Variants in DCDC2C observed in about 807,000 individuals in gnomAD.
DCDC2C encodes the protein doublecortin domain-containing protein 2C.
Under a neutral mutation model 45.0 loss-of-function variants are expected in DCDC2C, and 44 were observed. The ratio of observed to expected loss-of-function variants is 0.98; its 90% CI spans 0.77 to 1.26. DCDC2C has a LOEUF of 1.26. Ranked by LOEUF, DCDC2C falls within the 50% of genes most tolerant of loss-of-function variation. The probability of loss-of-function intolerance (pLI) is 0.00; values close to 1 mark genes in which losing one functional copy is unlikely to be tolerated. For synonymous variants in DCDC2C, 187 were observed against 178.8 expected, an observed-to-expected ratio of 1.05 and a Z score of -0.37; for missense variants, 447 against 468.9, an observed-to-expected ratio of 0.95 and a Z score of 0.43.
rs1668950484 is a variant in DCDC2C, at chr2:3,734,038, C to A, written c.416+6959C>A. 6.6e-6 allele frequency among the ~76,000 whole-genome samples: 1 copy of A among 152,194 alleles called. No homozygotes were observed. The highest frequency in any genetic ancestry group is 2.4e-5 in the African/African-American group (1 of 41,444). On this transcript the variant is annotated intron_variant, in intron 3 of 10. Coordinates refer to ENST00000399143, the MANE Select transcript of DCDC2C (RefSeq NM_001287444.2). This position sits in a 1 kb window ranked among gnomAD's most constrained non-coding sequence, Gnocchi z 4.2. Reference sequence around the variant, plus strand: ...CCGTATCCCTCAGTTTTAATAAGAGCAGTTTGCTGGGGTAGTAACAGTGCC... The same window carrying A: ...CCGTATCCCTCAGTTTTAATAAGAGAAGTTTGCTGGGGTAGTAACAGTGCC...
intron 10 of DCDC2C, among the ~76,000 whole-genome samples, chr2:3,833,286 C>T (rs752232412): frequency 3.3e-5 from 5 of 152,206 alleles, no homozygotes; most frequent in Non-Finnish European, 1.5e-5. Flanking sequence ...TTCCCCTTTG[C>T]CATGCACCCT....
intron 10 of DCDC2C, among the ~76,000 whole-genome samples, chr2:3,806,331 A>T (rs1358441123): frequency 6.6e-6 from 1 of 152,144 alleles, no homozygotes; most frequent in Non-Finnish European, 1.5e-5. Flanking sequence ...CACGGTTGCT[A>T]CTGGTGTGCT....
chr2:3,829,540 T>G (rs1227045357), intron 10 of DCDC2C, among the ~76,000 whole-genome samples: 1 of 152,124 alleles, frequency 6.6e-6, no homozygotes, highest in Non-Finnish European at 1.5e-5. Context: ...CACATCCTGG[T>G]CGTGCTGCGC....
rs1324287161 is a variant in DCDC2C at position 3,734,063 on chromosome 2, C to T, written c.416+6984C>T. 6.6e-6 allele frequency among the ~76,000 whole-genome samples: 1 copy of T among 152,224 alleles called. No homozygotes were observed. ...CAGTTTGCTGGGGTAGTAACAGTGC[C>T]TCCAGAAGTTCTGCTATTTGACTGG... is the stretch of plus-strand genomic sequence containing the variant. On this transcript the variant is annotated intron_variant, in intron 3 of 10. Coordinates refer to ENST00000399143, the MANE Select transcript of DCDC2C (RefSeq NM_001287444.2). The surrounding 1 kb of genome is among the most constrained non-coding windows in gnomAD (Gnocchi z 4.2).
intron 9 of DCDC2C, among the ~76,000 whole-genome samples, chr2:3,779,575 T>C (rs1401268044): frequency 6.6e-6 from 1 of 152,254 alleles, no homozygotes; most frequent in African/African-American, 2.4e-5. Flanking sequence ...TTCAGAATTC[T>C]GTCTGTGGAT....
intron 3 of DCDC2C, among the ~76,000 whole-genome samples, chr2:3,730,588 G>A (rs953523239): frequency 2.6e-5 from 4 of 152,094 alleles, no homozygotes; most frequent in Non-Finnish European, 4.4e-5. Context: ...CCCGCCCCCC[G>A]AGCTTCCACA....
chr2:3,801,981 C>T (rs933953036), intron 10 of DCDC2C, among the ~76,000 whole-genome samples: 8 of 152,190 alleles, frequency 5.3e-5, no homozygotes, highest in African/African-American at 1.9e-4. Flanking sequence ...CTTTTCCTTC[C>T]TCAGTGTCCC....
At chr2:3,752,720 G>C (rs763723420) in intron 4 of DCDC2C, 43 bp from the exon 5 acceptor site, 2 of 1,547,870 alleles carry the variant, frequency 1.3e-6, no homozygotes, top group South Asian at 2.4e-5. Context: ...CTATGCTACT[G>C]GTCCTCAAGT....
chr2:3,835,816 C>A (rs1672062574), intron 10 of DCDC2C, among the ~76,000 whole-genome samples: 2 of 152,082 alleles, frequency 1.3e-5, no homozygotes, highest in Admixed American at 1.3e-4. Flanking sequence ...CCATCATTGC[C>A]CATTGCAGCA....
At chr2:3,713,679 C>A (rs375015834) in intron 2 of DCDC2C, among the ~76,000 whole-genome samples, 19 of 152,282 alleles carry the variant, frequency 1.2e-4, no homozygotes, top group African/African-American at 4.6e-4. Context: ...TTGGGGACAA[C>A]CTGAATGTCC....
intron 10 of DCDC2C, among the ~76,000 whole-genome samples, chr2:3,814,473 G>C (rs946557924): frequency 1.3e-5 from 2 of 152,184 alleles, no homozygotes; most frequent in Admixed American, 1.3e-4. Flanking sequence ...AACATGCTCA[G>C]TGTAGTTTTT....
intron 2 of DCDC2C, among the ~76,000 whole-genome samples, chr2:3,717,203 T>C (rs1174586014): frequency 6.6e-6 from 1 of 152,060 alleles, no homozygotes; most frequent in Non-Finnish European, 1.5e-5. Flanking sequence ...ATTTCCATAA[T>C]CATCCATGTG....
At chr2:3,723,371 T>A (rs1464327373) in intron 2 of DCDC2C, among the ~76,000 whole-genome samples, 2 of 152,188 alleles carry the variant, frequency 1.3e-5, no homozygotes, top group Non-Finnish European at 2.9e-5. Flanking sequence ...TGTGAGGAGC[T>A]GACGTCGAAG....
intron 1 of DCDC2C, among the ~76,000 whole-genome samples, chr2:3,707,188 T>G (rs145975954): frequency 3.3e-5 from 5 of 152,230 alleles, no homozygotes; most frequent in Non-Finnish European, 2.9e-5. Context: ...AGGAACTATT[T>G]GTCCTTTCTT....
intron 10 of DCDC2C, among the ~76,000 whole-genome samples, chr2:3,843,413 G>A (rs1277112696): frequency 6.6e-6 from 1 of 152,282 alleles, no homozygotes; most frequent in South Asian, 2.1e-4. Context: ...TCAGCTGAGC[G>A]ACCTGGCCCC....
At chr2:3,807,369 T>C (rs60316393) in intron 10 of DCDC2C, among the ~76,000 whole-genome samples, 15,200 of 152,204 alleles carry the variant, frequency 0.1, 1,034 homozygotes, top group East Asian at 0.29. Flanking sequence ...GCTGGAGGTG[T>C]ATAGCTCTGT....
At chr2:3,744,340 T>A (rs937769998) in intron 4 of DCDC2C, among the ~76,000 whole-genome samples, 4 of 152,136 alleles carry the variant, frequency 2.6e-5, no homozygotes, top group Non-Finnish European at 5.9e-5. Flanking sequence ...AGGCCCAGCG[T>A]CCGGCTGTTG....
Position 3,761,488 on chromosome 2 carries a change from G to T in DCDC2C, c.727-6266G>T, listed in dbSNP as rs942908572. On this transcript the variant is annotated intron_variant, in intron 6 of 10. Coordinates refer to ENST00000399143, the MANE Select transcript of DCDC2C (RefSeq NM_001287444.2). This position sits in a 1 kb window ranked among gnomAD's most constrained non-coding sequence, Gnocchi z 4.3. ...TGAACAGTAAATTTCACTGTGAAATGAGTGCTTTGGAATTGACATTTGCTG... is the reference window on the plus strand; with the variant it reads ...TGAACAGTAAATTTCACTGTGAAATTAGTGCTTTGGAATTGACATTTGCTG... Among the ~76,000 whole-genome samples the T allele has an allele frequency of 6.6e-6, 1 of 152,204 alleles. No homozygotes were observed. The highest frequency in any genetic ancestry group is 1.5e-5 in the Non-Finnish European group (1 of 68,044).
intron 2 of DCDC2C, among the ~76,000 whole-genome samples, chr2:3,711,533 A>T (rs1050562529): frequency 3.9e-5 from 6 of 152,220 alleles, no homozygotes; most frequent in Admixed American, 3.9e-4. Flanking sequence ...CTCAGCAAAA[A>T]TAAAAATTTT....
Sources: gnomAD v4.1 joint callset for allele counts (sites outside exome capture counted in the v4.1 genomes callset) on GRCh38, gnomAD v4.1.1 for gene constraint, Gnocchi (gnomAD v3.1) non-coding constraint, MANE v1.5 for transcripts, NCBI Gene and HGNC (gene_info 2026-07-23, HGNC 2026-07-21) for gene names.